DPP10: variants seen among roughly 807,000 people sequenced by gnomAD.
The protein encoded by DPP10 is inactive dipeptidyl peptidase 10.
Under a neutral mutation model 120.9 loss-of-function variants are expected in DPP10, and 33 were observed. That is an observed-to-expected ratio of 0.27 (90% CI 0.21 to 0.37). The LOEUF is 0.37. Ranked by LOEUF, DPP10 falls within the 10% of genes least tolerant of loss-of-function variation. The pLI is 1.00. For missense variants in DPP10, 816 were observed against 942.8 expected, an observed-to-expected ratio of 0.87 and a Z score of 1.76; for synonymous variants, 337 against 326.1, an observed-to-expected ratio of 1.03 and a Z score of -0.36.
At chr2:115,388,169 C>CTACTCA (rs1428649959) in intron 3 of DPP10, among the ~76,000 whole-genome samples, 1 of 152,184 alleles carries the variant, frequency 6.6e-6, no homozygotes, top group African/African-American at 2.4e-5. Context: ...TGCATGTAGT[C>CTACTCA]TACTCAGCAA....
chr2:114,620,325 G>A (rs1693997411), intron 1 of DPP10, among the ~76,000 whole-genome samples: 1 of 151,936 alleles, frequency 6.6e-6, no homozygotes. Context: ...TTTCTAAAAT[G>A]AAGCCCTCTG....
chr2:115,718,535 C>T (rs1468834194), intron 7 of DPP10, among the ~76,000 whole-genome samples: 2 of 152,060 alleles, frequency 1.3e-5, no homozygotes, highest in African/African-American at 2.4e-5. Flanking sequence ...TACTAAAAAT[C>T]GTGCTTTTAT....
intron 1 of DPP10, among the ~76,000 whole-genome samples, chr2:114,939,655 T>C (rs1696750514): frequency 6.6e-6 from 1 of 152,172 alleles, no homozygotes; most frequent in African/African-American, 2.4e-5. Flanking sequence ...AATATTTAAC[T>C]GAAATTCTCC....
chr2:115,653,127 G>A (rs1039302293), intron 5 of DPP10, among the ~76,000 whole-genome samples: 2 of 151,878 alleles, frequency 1.3e-5, no homozygotes, highest in Admixed American at 1.3e-4. Context: ...TTAATTAGAG[G>A]TGGATATACA....
In DPP10 at chr2:114,874,801, A is replaced by AG. The variant is rs1426519752; in HGVS notation, c.60+431965dup. On this transcript the variant is annotated intron_variant, in intron 1 of 25. Transcript: ENST00000410059. ...TATTACTGCCTGGATTTTACAGACA[A>AG]GGAAATTGAAGCTTATTATTGTAAC... Among the ~76,000 whole-genome samples the AG allele has an allele frequency of 3.9e-5, 6 of 152,228 alleles. No individual in the cohort carries two copies. In the South Asian group the frequency reaches 1.2e-3, roughly 32 times the overall value.
intron 1 of DPP10, among the ~76,000 whole-genome samples, chr2:115,228,156 A>C (rs2057536362): frequency 6.6e-6 from 1 of 151,926 alleles, no homozygotes. Flanking sequence ...CAAAATTGAC[A>C]GACTGGTGTT....
chr2:115,509,224 G>C (rs1165709701), intron 4 of DPP10, among the ~76,000 whole-genome samples: 1 of 152,124 alleles, frequency 6.6e-6, no homozygotes, highest in Non-Finnish European at 1.5e-5. Flanking sequence ...GGATGGCCTA[G>C]GCTTGAGATT....
chr2:114,470,987 AC>A (rs900045001), intron 1 of DPP10, among the ~76,000 whole-genome samples: 61 of 152,220 alleles, frequency 4.0e-4, no homozygotes, highest in African/African-American at 1.4e-3. Context: ...TAGCCTCTCA[AC>A]AAATAGTTGT....
At chr2:115,760,273 C>T (rs1312405194) in intron 11 of DPP10, among the ~76,000 whole-genome samples, 6 of 152,090 alleles carry the variant, frequency 3.9e-5, no homozygotes, top group South Asian at 2.1e-4. Context: ...ACAATATGAG[C>T]GAATCTCAAA....
At chr2:114,606,123 C>G (rs1286824324) in intron 1 of DPP10, among the ~76,000 whole-genome samples, 5 of 152,064 alleles carry the variant, frequency 3.3e-5, no homozygotes, top group African/African-American at 1.2e-4. Context: ...AGTTCTTTAC[C>G]TTAATGTTGT....
At chr2:115,682,866 A>G (rs7575868) in intron 5 of DPP10, among the ~76,000 whole-genome samples, 127,588 of 151,788 alleles carry the variant, frequency 0.84, 54,117 homozygotes, top group East Asian at 0.98. Flanking sequence ...AGTTCAGAGG[A>G]AATACACTAT....
At chr2:114,922,617 A>G (rs950819408) in intron 1 of DPP10, among the ~76,000 whole-genome samples, 4 of 152,122 alleles carry the variant, frequency 2.6e-5, no homozygotes, top group African/African-American at 9.7e-5. Context: ...CAGCCTAGAC[A>G]TTTTATATAA....
chr2:115,775,365 C>T (rs1259288499), intron 13 of DPP10, among the ~76,000 whole-genome samples: 1 of 149,876 alleles, frequency 6.7e-6, no homozygotes, highest in Non-Finnish European at 1.5e-5. Context: ...TTGGACAGTT[C>T]CAAAGTATAA....
At chr2:114,882,640 T>C (rs1484805823) in intron 1 of DPP10, among the ~76,000 whole-genome samples, 1 of 151,856 alleles carries the variant, frequency 6.6e-6, no homozygotes, top group African/African-American at 2.4e-5. Flanking sequence ...AAAGAACTTA[T>C]CCATGTAAAC....
In DPP10 at chr2:115,844,857, T is replaced by C. The variant is rs1364431093; in HGVS notation, c.*2512T>C. 1 of 152,186 alleles carries C rather than the reference T, an allele frequency of 6.6e-6. No homozygotes were observed. Among genetic ancestry groups the C allele is most frequent in the Non-Finnish European group, 1.5e-5 (1 of 68,028 alleles). The allele number at this position is 152,186 out of a possible 1,614,324, so 9.4% of individuals were successfully genotyped here. ...AACTCTTTTGAAAGAGAAAAGTGTT[T>C]GTTCACTTTCATTGCCTTCATTAAG... On this transcript the variant is annotated 3_prime_UTR_variant, in exon 26 of 26. Transcript: ENST00000410059.
At chr2:115,699,109 A>G (rs547255913) in intron 7 of DPP10, among the ~76,000 whole-genome samples, 1 of 151,310 alleles carries the variant, frequency 6.6e-6, no homozygotes, top group Non-Finnish European at 1.5e-5. Flanking sequence ...GACCGTTTCT[A>G]CACAAATAAA....
chr2:114,853,457 G>T (rs1463552459), intron 1 of DPP10, among the ~76,000 whole-genome samples: 3 of 151,612 alleles, frequency 2.0e-5, no homozygotes, highest in Admixed American at 2.0e-4. Flanking sequence ...CAAAATTTGA[G>T]GCCCACCGAA....
At chr2:115,705,150 A>G (rs1186108762) in intron 7 of DPP10, among the ~76,000 whole-genome samples, 1 of 151,906 alleles carries the variant, frequency 6.6e-6, no homozygotes, top group Non-Finnish European at 1.5e-5. Flanking sequence ...TAAATTTGTG[A>G]TATAATCTCT....
chr2:115,356,350 T>C (rs192407490), intron 3 of DPP10, among the ~76,000 whole-genome samples: 1 of 152,206 alleles, frequency 6.6e-6, no homozygotes, highest in Admixed American at 6.5e-5. Flanking sequence ...GATTTTGCCC[T>C]CTGCTTGTCT....
Sources: gnomAD v4.1 joint callset for allele counts (sites outside exome capture counted in the v4.1 genomes callset) on GRCh38, gnomAD v4.1.1 for gene constraint, MANE v1.5 for transcripts, NCBI Gene and HGNC (gene_info 2026-07-23, HGNC 2026-07-21) for gene names.